Variants in GSG1L2 observed in about 807,000 individuals in gnomAD.
GSG1L2 encodes germ cell-specific gene 1-like protein 2.
GSG1L2 carries 15 observed loss-of-function variants against 9.0 expected under a neutral mutation model. The ratio of observed to expected loss-of-function variants is 1.67; its 90% confidence interval spans 1.12 to 2.57. GSG1L2 has a LOEUF of 2.57. Ranked by LOEUF, GSG1L2 falls within the 30% of genes most tolerant of loss-of-function variation. The pLI is 0.00. For synonymous variants in GSG1L2, 127 were observed against 57.9 expected (o/e 2.19, Z -5.41); for missense variants, 286 against 150.3 (o/e 1.90, Z -4.72).
chr17:9,807,319 T>C (rs536703853), intron 4 of GSG1L2, 171 bp downstream of exon 4: 12 of 591,680 alleles, frequency 2.0e-5, no homozygotes, highest in South Asian at 2.0e-4. Context: ...GTATCCTCAC[T>C]TTATCGATGA....
rs552430339 is a variant in GSG1L2, at chr17:9,809,170, G to T, written c.359-188C>A. ...GGCACTCCTCAGGGCTGAAAGAGAC[G>T]GTTGTAGGGATTGCCCGTAGCTGAA... On this transcript the variant is annotated intron_variant, in intron 2 of 4. Coordinates refer to ENST00000399363, the MANE Select transcript of GSG1L2 (RefSeq NM_001310219.2). 125 of 582,288 alleles carry T rather than the reference G, an allele frequency of 2.1e-4. No homozygotes were observed. The South Asian group carries it at 2.3e-3, about 11-fold the overall frequency. 36.1% of individuals were successfully genotyped at this position (582,288 alleles called of 1,614,324 possible).
chr17:9,808,761 A>G (rs1478877874), intron 3 of GSG1L2, 69 bp downstream of exon 3: 11 of 683,210 alleles, frequency 1.6e-5, no homozygotes, highest in Non-Finnish European at 2.4e-5. Flanking sequence ...TTTGGTAATG[A>G]GCATGTCCAG....
intron 1 of GSG1L2, among the ~76,000 whole-genome samples, chr17:9,816,870 C>CTCTGTG (rs1567711526): frequency 1.7e-5 from 2 of 120,966 alleles, no homozygotes; most frequent in East Asian, 2.6e-4. Flanking sequence ...ATGTGTGTGT[C>CTCTGTG]TGTGTGTGTA....
Position 9,821,996 on chromosome 17 carries a change from C to T in GSG1L2, c.76G>A (p.Val26Met), listed in dbSNP as rs1272857361. The change falls in exon 1 of 5, where the codon GTG becomes ATG. Residue 26 changes from valine (V) to methionine (M), a missense_variant. Physicochemically the swap from Val to Met is conservative, Grantham distance 21 (BLOSUM62 1). Transcript: ENST00000399363. ...CCCTCACACCAGTGGCTGCTGACCA[C>T]GGCGGTGAGGGAGAAGGTGAGGGCG... ...CLALTFSLTA[V>M]VSSHWCEGTR... The T allele has an allele frequency of 3.1e-5, 22 of 702,946 alleles. No individual in the cohort carries two copies. Among genetic ancestry groups the T allele is most frequent in the Middle Eastern group, 4.6e-4 (2 of 4,382 alleles). 43.5% of individuals were successfully genotyped at this position (702,946 alleles called of 1,614,324 possible).
chr17:9,805,736 A>G (rs2066514041), intron 4 of GSG1L2: 1 of 152,148 alleles, frequency 6.6e-6, no homozygotes, highest in Non-Finnish European at 1.5e-5. Flanking sequence ...ACGAGCCTGG[A>G]ACAGGGCAGG....
In GSG1L2 at chr17:9,820,554, A is replaced by G. The variant is rs2066584904; in HGVS notation, c.310+1208T>C. Among the ~76,000 whole-genome samples the G allele has an allele frequency of 6.6e-6, 1 of 152,154 alleles. No homozygotes were observed. Among genetic ancestry groups the G allele is most frequent in the Admixed American group, 6.5e-5 (1 of 15,272 alleles). On this transcript the variant is annotated intron_variant, in intron 1 of 4. Transcript: ENST00000399363. The surrounding 1 kb of genome is among the most constrained non-coding windows in gnomAD (Gnocchi z 4.9). ...CACACTTAAAGCACAAGACACAGGC[A>G]CTGGCCTGGATACATGGGAGGTTCA...
In GSG1L2 at chr17:9,802,390, C is replaced by CA. The variant is rs906322069; in HGVS notation, c.877dup (p.Cys293LeufsTer19). ...TGTGGCAGCCATGGACACTGGCTAG[C>CA]ATATGGACACCTTGCCTGGGGCGCC... On this transcript the variant is annotated frameshift_variant, in exon 5 of 5. Transcript: ENST00000399363. LOFTEE classifies it high-confidence loss of function. 1.3e-4 allele frequency: 89 copies of CA among 661,216 alleles called. No individual in the cohort carries two copies. The African/African-American group carries it at 1.5e-3, about 11-fold the overall frequency. The allele number at this position is 661,216 out of a possible 1,614,324, so 41.0% of individuals were successfully genotyped here. A position where few individuals can be genotyped will look rare whatever the true frequency, so the allele number is the denominator to read the frequency against.
chr17:9,821,997 G>A lies in GSG1L2; in HGVS notation c.75C>T (p.Ala25=), dbSNP rs1347113542. ...VCLALTFSLT[A]VVSSHWCEGT... ...CCTCACACCAGTGGCTGCTGACCAC[G>A]GCGGTGAGGGAGAAGGTGAGGGCGA... Residue 25 remains alanine (A), a synonymous_variant, in exon 1 of 5, where the codon GCC becomes GCT. Transcript: ENST00000399363. 1.8e-5 allele frequency: 13 copies of A among 702,974 alleles called. No individual in the cohort carries two copies. The highest frequency in any genetic ancestry group is 1.0e-4 in the African/African-American group (6 of 57,284). The allele number at this position is 702,974 out of a possible 1,614,324, so 43.5% of individuals were successfully genotyped here.
rs1253365025 is a variant in GSG1L2, at chr17:9,810,571, C to G, written c.358G>C (p.Gly120Arg). Reference sequence around the variant, plus strand: ...GGCAGAGTGTGAGTAAGGTATTTACCTTGTTCTTCAGCTGGCACTACACTC... The same window carrying G: ...GGCAGAGTGTGAGTAAGGTATTTACGTTGTTCTTCAGCTGGCACTACACTC... The part of the protein sequence containing the change: ...FRSVVPAEEQ[G>R]VLWLSIGGEV... The change falls in exon 2 of 5, where the codon GGT (glycine) becomes CGT (arginine). Residue 120 changes from glycine (G) to arginine (R), a missense_variant and splice_region_variant. By Grantham distance (125) the Gly-to-Arg change is moderately radical (BLOSUM62 -2). Transcript: ENST00000399363. 1 of 702,958 alleles carries G rather than the reference C, an allele frequency of 1.4e-6. No individual in the cohort carries two copies. Among genetic ancestry groups the G allele is most frequent in the East Asian group, 2.7e-5 (1 of 37,286 alleles). The allele number at this position is 702,958 out of a possible 1,614,324, so 43.5% of individuals were successfully genotyped here. A position where few individuals can be genotyped will look rare whatever the true frequency, so the allele number is the denominator to read the frequency against.
chr17:9,815,800 G>T (rs2066557258), intron 1 of GSG1L2, among the ~76,000 whole-genome samples: 1 of 152,188 alleles, frequency 6.6e-6, no homozygotes, highest in African/African-American at 2.4e-5. Context: ...GGTTGCTATG[G>T]TTTGAATGTC....
At chr17:9,809,206 G>T in intron 2 of GSG1L2, 1 of 527,048 alleles carries the variant, frequency 1.9e-6, no homozygotes, top group South Asian at 2.1e-5. Flanking sequence ...CGGGCGGTGG[G>T]GTGGGGGCGG....
Position 9,802,132 on chromosome 17 carries a change from G to A in GSG1L2, c.*254C>T, listed in dbSNP as rs184924411. On this transcript the variant is annotated 3_prime_UTR_variant, in exon 5 of 5. Transcript: ENST00000399363. ...TTATCAAATTCACTGTCATTAAGAAGCTCTCTTTTATACTAGAGTGTCAAT... is the reference window on the plus strand; with the variant it reads ...TTATCAAATTCACTGTCATTAAGAAACTCTCTTTTATACTAGAGTGTCAAT... Among the ~76,000 whole-genome samples, 17 of 152,254 alleles carry A rather than the reference G, an allele frequency of 1.1e-4. No individual in the cohort carries two copies. The East Asian group carries it at 3.1e-3, about 28-fold the overall frequency.
chr17:9,816,427 CGT>C (rs1382987097), intron 1 of GSG1L2, among the ~76,000 whole-genome samples: 13 of 100,050 alleles, frequency 1.3e-4, no homozygotes, highest in East Asian at 9.2e-4. Context: ...TGTGTGTGTG[CGT>C]GTGTCTCTCT....
rs1219593255 is a variant in GSG1L2 at position 9,820,322 on chromosome 17, AT to A, written c.310+1439del. ...GAAAGGAGATGGAATTTCCCAAGTGATTTGCCTATAAGTATGGTGAATACAG... is the reference window on the plus strand; with the variant it reads ...GAAAGGAGATGGAATTTCCCAAGTGATTGCCTATAAGTATGGTGAATACAG... On this transcript the variant is annotated intron_variant, in intron 1 of 4. Transcript: ENST00000399363. This position sits in a 1 kb window ranked among gnomAD's most constrained non-coding sequence, Gnocchi z 4.9. Among the ~76,000 whole-genome samples the A allele has an allele frequency of 6.6e-6, 1 of 152,154 alleles. No homozygotes were observed. The highest frequency in any genetic ancestry group is 2.4e-5 in the African/African-American group (1 of 41,430).
Position 9,802,384 on chromosome 17 carries a change from G to T in GSG1L2, c.*2C>A. Reference sequence around the variant, plus strand: ...TGCGGATGTGGCAGCCATGGACACTGGCTAGCATATGGACACCTTGCCTGG... The same window carrying T: ...TGCGGATGTGGCAGCCATGGACACTTGCTAGCATATGGACACCTTGCCTGG... On this transcript the variant is annotated 3_prime_UTR_variant, in exon 5 of 5. Transcript: ENST00000399363. The T allele has an allele frequency of 1.5e-6, 1 of 651,708 alleles. No homozygotes were observed. The highest frequency in any genetic ancestry group is 2.8e-6 in the Non-Finnish European group (1 of 358,396). The allele number at this position is 651,708 out of a possible 1,614,324, so 40.4% of individuals were successfully genotyped here.
At chr17:9,809,627 T>TGCTGGTTGGTGCGTTTTACAGAGC (rs373167124) in intron 2 of GSG1L2, 3,057 of 155,152 alleles carry the variant, frequency 0.02, 94 homozygotes, top group African/African-American at 0.067. Context: ...TTTTACAGAG[T>TGCTGGTTGGTGCGTTTTACAGAGC]GCTGATTGGT....
intron 1 of GSG1L2, among the ~76,000 whole-genome samples, chr17:9,816,095 G>A (rs1414005877): frequency 1.3e-5 from 2 of 152,154 alleles, no homozygotes; most frequent in African/African-American, 2.4e-5. Context: ...CACCAGATGT[G>A]CTCCCTCGAC....
At chr17:9,818,350 T>A (rs1433027646) in intron 1 of GSG1L2, among the ~76,000 whole-genome samples, 2 of 151,998 alleles carry the variant, frequency 1.3e-5, no homozygotes, top group Non-Finnish European at 2.9e-5. Flanking sequence ...GTTTTGTTTT[T>A]GAGATGGAGT....
At chr17:9,812,098 A>T (rs1207602904) in intron 1 of GSG1L2, among the ~76,000 whole-genome samples, 1 of 152,204 alleles carries the variant, frequency 6.6e-6, no homozygotes, top group Non-Finnish European at 1.5e-5. Flanking sequence ...TTTAAATCTT[A>T]TTAGACTATA....
Sources: gnomAD v4.1 joint callset for allele counts (sites outside exome capture counted in the v4.1 genomes callset) on GRCh38, gnomAD v4.1.1 for gene constraint, Gnocchi (gnomAD v3.1) non-coding constraint, MANE v1.5 for transcripts, NCBI Gene and HGNC (gene_info 2026-07-23, HGNC 2026-07-21) for gene names.